Variants in EML2 observed in about 807,000 individuals in gnomAD.
EML2 encodes echinoderm microtubule-associated protein-like 2.
Under a neutral mutation model 84.7 loss-of-function variants are expected in EML2, and 59 were observed. The ratio of observed to expected loss-of-function variants is 0.70; its 90% confidence interval spans 0.56 to 0.86. The LOEUF (loss-of-function observed/expected upper bound fraction) is 0.86, where lower values mean the gene tolerates loss of function less well. EML2 is among the 40% of genes least tolerant of loss of function. The pLI is 0.00. For missense variants in EML2, 818 were observed against 855.6 expected (o/e 0.96, Z 0.55); for synonymous variants, 352 against 348.9 (o/e 1.01, Z -0.10).
At chr19:45,637,998 G>A (rs950189158) in intron 3 of EML2, among the ~76,000 whole-genome samples, 3 of 152,074 alleles carry the variant, frequency 2.0e-5, no homozygotes, top group African/African-American at 7.2e-5. Flanking sequence ...TTCCTGTAAA[G>A]ACGAGGTCTT....
At chr19:45,641,933 G>T (rs560036111), upstream of EML2, 78 of 1,441,408 alleles carry the variant, frequency 5.4e-5, no homozygotes, top group Non-Finnish European at 6.8e-5. Context: ...CCCGGAGGTC[G>T]CCTCCTTCTT....
intron 7 of EML2, among the ~76,000 whole-genome samples, chr19:45,628,154 G>A (rs528956172): frequency 2.6e-5 from 4 of 150,974 alleles, no homozygotes; most frequent in Admixed American, 6.6e-5. Flanking sequence ...GGCGGATCAC[G>A]AGGTCAGGAG....
chr19:45,633,259 G>T, intron 4 of EML2, 120 bp from the exon 5 acceptor site: 1 of 961,862 alleles, frequency 1.0e-6, no homozygotes, highest in Non-Finnish European at 1.6e-6. Flanking sequence ...TGTATTTAGT[G>T]CATTAATAGC....
chr19:45,643,591 C>T, upstream of EML2: 1 of 1,536,162 alleles, frequency 6.5e-7, no homozygotes. Context: ...AGACTCATTG[C>T]TGACCACAAC....
intron 11 of EML2, among the ~76,000 whole-genome samples, chr19:45,620,057 C>T (rs1032615513): frequency 1.3e-5 from 2 of 151,874 alleles, no homozygotes; most frequent in Non-Finnish European, 1.5e-5. Context: ...AAATGCTAAA[C>T]ATGAGGATAA....
At position 45,630,017 on chromosome 19, in the gene EML2, A is replaced by C. The variant is rs772779744; in HGVS notation, c.540T>G (p.Asp180Glu). The change falls in exon 7 of 19, where the codon GAT (aspartate) becomes GAG (glutamate). Residue 180 changes from aspartate to glutamate, a missense_variant. By Grantham distance (45) the Asp-to-Glu change is conservative (BLOSUM62 2). Coordinates refer to ENST00000245925, the MANE Select transcript of EML2 (RefSeq NM_012155.4). ...SNGGNLLCAVDESNDHMLSVW... is the reference protein window; with the variant it reads ...SNGGNLLCAVEESNDHMLSVW... ...CCGAGAGCATGTGATCATTGGATTCATCCACTGCACACAGCAGGTTGCCTC... is the reference window on the plus strand; with the variant it reads ...CCGAGAGCATGTGATCATTGGATTCCTCCACTGCACACAGCAGGTTGCCTC... 1.9e-6 allele frequency: 3 copies of C among 1,613,224 alleles called. No homozygotes were observed. In the South Asian group the frequency reaches 3.3e-5, roughly 18 times the overall value.
chr19:45,621,334 T>C lies in EML2; in HGVS notation c.997-2A>G. On this transcript the variant is annotated splice_acceptor_variant, in intron 10 of 18. Coordinates refer to ENST00000245925, the MANE Select transcript of EML2 (RefSeq NM_012155.4). LOFTEE classifies it high-confidence loss of function. ...CACAGGGCCAAAGTCCTCAGGGACC[T>C]GGGTGGACAGATAAGAGGGAAGATG... The C allele has an allele frequency of 6.3e-7, 1 of 1,599,830 alleles. No individual in the cohort carries two copies. The highest frequency in any genetic ancestry group is 8.5e-7 in the Non-Finnish European group (1 of 1,170,934).
chr19:45,617,608 G>C (rs777143668), intron 13 of EML2, 22 bp downstream of exon 13: 2 of 1,609,308 alleles, frequency 1.2e-6, no homozygotes, highest in East Asian at 2.2e-5. Flanking sequence ...AAGGCCTCCC[G>C]AAATGCTCTC....
At chr19:45,619,398 C>G in intron 11 of EML2, 1 of 478,908 alleles carries the variant, frequency 2.1e-6, no homozygotes, top group Non-Finnish European at 3.6e-6. Context: ...CAAATCCTGC[C>G]CCTTCTCCAG....
chr19:45,614,951 G>T (rs1240622175), intron 16 of EML2: 1 of 394,998 alleles, frequency 2.5e-6, no homozygotes, highest in South Asian at 2.5e-5. Flanking sequence ...ATCCCAGGAG[G>T]CAGCATGAGC....
At chr19:45,620,374 AAAGT>A (rs1288160316) in intron 11 of EML2, among the ~76,000 whole-genome samples, 4 of 152,090 alleles carry the variant, frequency 2.6e-5, no homozygotes, top group African/African-American at 9.7e-5. Context: ...TCGGCCTCCC[AAAGT>A]AATATTAATA....
intron 7 of EML2, among the ~76,000 whole-genome samples, chr19:45,627,785 G>T (rs1401896044): frequency 6.6e-6 from 1 of 152,182 alleles, no homozygotes; most frequent in African/African-American, 2.4e-5. Flanking sequence ...GCTCAGGCTG[G>T]GCGTGGTGGT....
chr19:45,635,781 A>G (rs532716510), intron 3 of EML2, among the ~76,000 whole-genome samples: 288 of 150,384 alleles, frequency 1.9e-3, no homozygotes, highest in African/African-American at 5.4e-3. Context: ...TAGTAGAGAA[A>G]GGGTTTCTCC....
At position 45,609,475 on chromosome 19, in the gene EML2, A is replaced by T. The variant is rs1182328015; in HGVS notation, c.*188T>A. 1.7e-6 allele frequency: 1 copy of T among 596,346 alleles called. No individual in the cohort carries two copies. Among genetic ancestry groups the T allele is most frequent in the African/African-American group, 1.9e-5 (1 of 51,752 alleles). The allele number at this position is 596,346 out of a possible 1,614,324, so 36.9% of individuals were successfully genotyped here. A position where few individuals can be genotyped will look rare whatever the true frequency, so the allele number is the denominator to read the frequency against. On this transcript the variant is annotated 3_prime_UTR_variant, in exon 19 of 19. Transcript: ENST00000245925. ...AACACCCCAAACCAAACACCAATGG[A>T]TCCCCAAAGCGATGTGACTCCCTCT...
chr19:45,630,350 G>A (rs943040552), intron 6 of EML2, among the ~76,000 whole-genome samples: 2 of 151,154 alleles, frequency 1.3e-5, no homozygotes, highest in Non-Finnish European at 2.9e-5. Context: ...TCAGGAGTTC[G>A]AGGCCAGCCT....
chr19:45,629,776 C>T (rs1422429607), intron 7 of EML2, among the ~76,000 whole-genome samples, 175 bp downstream of exon 7: 3 of 151,974 alleles, frequency 2.0e-5, no homozygotes, highest in Non-Finnish European at 2.9e-5. Flanking sequence ...CCCCATATTA[C>T]AGATGAGACC....
At chr19:45,634,545 ATTTATTTTTAATTTT>A in intron 3 of EML2, 74 bp from the exon 4 acceptor site, 3 of 1,145,624 alleles carry the variant, frequency 2.6e-6, no homozygotes, top group African/African-American at 1.6e-5. Flanking sequence ...TTATTTATTT[ATTTATTTTTAATTTT>A]TTTATTTATT....
chr19:45,616,314 A>C, intron 15 of EML2, 147 bp downstream of exon 15: 1 of 614,638 alleles, frequency 1.6e-6, no homozygotes. Flanking sequence ...GAGGTGGTGA[A>C]TGTGTGGACG....
At chr19:45,609,875 T>C in intron 18 of EML2, 87 bp from the exon 19 acceptor site, 1 of 1,498,522 alleles carries the variant, frequency 6.7e-7, no homozygotes, top group Non-Finnish European at 8.9e-7. Flanking sequence ...CCGGTTCTTT[T>C]CTGCTCTTCC....
Sources: gnomAD v4.1 joint callset for allele counts (sites outside exome capture counted in the v4.1 genomes callset) on GRCh38, gnomAD v4.1.1 for gene constraint, MANE v1.5 for transcripts, NCBI Gene and HGNC (gene_info 2026-07-23, HGNC 2026-07-21) for gene names.